The following AMY2B variants were observed in gnomAD, a reference collection of about 807,000 sequenced individuals.
The protein encoded by AMY2B is amylase alpha 2B.
A neutral mutation model predicts 59.3 loss-of-function variants in AMY2B; 63 were observed. That is an observed-to-expected ratio of 1.06 (90% CI 0.87 to 1.31). AMY2B has a LOEUF of 1.31. AMY2B is among the 50% of genes most tolerant of loss of function. The pLI, the probability that AMY2B is intolerant of heterozygous loss-of-function variation, is 0.00. For missense variants in AMY2B, 635 were observed against 626.7 expected (o/e 1.01, Z -0.14); for synonymous variants, 180 against 198.1 (o/e 0.91, Z 0.77).
At chr1:103,560,583 G>C (rs2101061433) in intron 1 of AMY2B, among the ~76,000 whole-genome samples, 1 of 152,114 alleles carries the variant, frequency 6.6e-6, no homozygotes, top group Non-Finnish European at 1.5e-5. Context: ...TTAATGATTA[G>C]CACTGATTAT....
intron 9 of AMY2B, 83 bp from the exon 10 acceptor site, chr1:103,579,228 A>C (rs1199935598): frequency 1.2e-6 from 2 of 1,609,198 alleles, no homozygotes; most frequent in Non-Finnish European, 1.7e-6. Context: ...GTTCTACAAC[A>C]TAAAGTTATG....
chr1:103,569,159 C>T, upstream of AMY2B: 1 of 152,032 alleles, frequency 6.6e-6, no homozygotes. Context: ...CCTACCAGGT[C>T]CCTCTCATAA....
At chr1:103,564,836 A>G (rs1194652116) in intron 1 of AMY2B, among the ~76,000 whole-genome samples, 1 of 152,118 alleles carries the variant, frequency 6.6e-6, no homozygotes, top group African/African-American at 2.4e-5. Context: ...TGTTTTAAAA[A>G]TGGTACCTCT....
intron 2 of AMY2B, chr1:103,565,703 T>TA (rs1651888054): frequency 1.3e-5 from 2 of 152,178 alleles, no homozygotes; most frequent in Admixed American, 1.3e-4. Flanking sequence ...TCCCATCGGA[T>TA]AAAACAAATA....
intron 7 of AMY2B, among the ~76,000 whole-genome samples, chr1:103,576,888 G>A (rs923632153): frequency 7.9e-5 from 12 of 152,252 alleles, no homozygotes; most frequent in East Asian, 5.8e-4. Context: ...TGGTGTTTCT[G>A]GTACTAATGC....
At chr1:103,570,316 G>C, upstream of AMY2B, 4 of 627,660 alleles carry the variant, frequency 6.4e-6, no homozygotes, top group Non-Finnish European at 1.2e-5. Context: ...TGAGGTTGCA[G>C]TGTCCCGAGA....
At chr1:103,565,075 T>C (rs1302078897) in intron 1 of AMY2B, 1 of 152,142 alleles carries the variant, frequency 6.6e-6, no homozygotes, top group Non-Finnish European at 1.5e-5. Context: ...CATAAACATT[T>C]CCCCTCTATT....
At chr1:103,579,259 G>T in intron 9 of AMY2B, 52 bp from the exon 10 acceptor site, 1 of 1,611,312 alleles carries the variant, frequency 6.2e-7, no homozygotes, top group East Asian at 2.2e-5. Context: ...GTGTTAGCCT[G>T]TATTCTTGAT....
intron 1 of AMY2B, chr1:103,565,397 A>C (rs1651875596): frequency 6.6e-6 from 1 of 152,228 alleles, no homozygotes; most frequent in South Asian, 2.1e-4. Context: ...TTCAGTACAG[A>C]TGCAACTATC....
At chr1:103,556,003 G>A (rs1393632226) in intron 1 of AMY2B, among the ~76,000 whole-genome samples, 1 of 152,126 alleles carries the variant, frequency 6.6e-6, no homozygotes, top group East Asian at 1.9e-4. Context: ...AGGATGAAGG[G>A]CAGATTATGG....
At position 103,577,814 on chromosome 1, in the gene AMY2B, A is replaced by G. The variant is rs774741377; in HGVS notation, c.1315A>G (p.Arg439Gly). 6.2e-7 allele frequency: 1 copy of G among 1,604,936 alleles called. No homozygotes were observed. Among genetic ancestry groups the G allele is most frequent in the Non-Finnish European group, 8.5e-7 (1 of 1,179,736 alleles). ...CCAAGTGGCTTTTGGGAGAGGAAAC[A>G]GAGGATTCATTGTTTTCAACAATGA... ...SNQVAFGRGN[R>G]GFIVFNNDDW... The change falls in exon 9 of 10, where the codon AGA becomes GGA. Residue 439 changes from arginine (R) to glycine (G), a missense_variant. Coordinates refer to ENST00000684275, the MANE Select transcript of AMY2B (RefSeq NM_001387437.1).
chr1:103,566,051 T>C (rs556183971), intron 2 of AMY2B, among the ~76,000 whole-genome samples: 2 of 152,312 alleles, frequency 1.3e-5, no homozygotes, highest in East Asian at 3.9e-4. Context: ...CCCTCACACT[T>C]GACTTGTTTC....
At chr1:103,564,033 T>C (rs1217370238) in intron 1 of AMY2B, among the ~76,000 whole-genome samples, 1 of 152,032 alleles carries the variant, frequency 6.6e-6, no homozygotes, top group East Asian at 1.9e-4. Flanking sequence ...ACAGTATGAG[T>C]TGATAGGATT....
intron 5 of AMY2B, 65 bp from the exon 6 acceptor site, chr1:103,575,158 A>T: frequency 6.2e-7 from 1 of 1,608,274 alleles, no homozygotes; most frequent in South Asian, 1.1e-5. Flanking sequence ...AGAGATGCAC[A>T]GTTAAGTTAC....
At chr1:103,571,852 G>T in intron 1 of AMY2B, 82 bp downstream of exon 1, 1 of 1,610,648 alleles carries the variant, frequency 6.2e-7, no homozygotes, top group African/African-American at 1.3e-5. Context: ...TGAAGCTTAG[G>T]CAACATTTTA....
intron 8 of AMY2B, 40 bp downstream of exon 8, chr1:103,577,648 T>A: frequency 1.9e-6 from 3 of 1,611,894 alleles, no homozygotes; most frequent in Non-Finnish European, 2.5e-6. Flanking sequence ...AATAGTAAAC[T>A]TTCCATTGCA....
intron 1 of AMY2B, 45 bp from the exon 2 acceptor site, chr1:103,572,065 T>C (rs772914179): frequency 3.7e-6 from 6 of 1,611,202 alleles, no homozygotes; most frequent in Non-Finnish European, 5.1e-6. Context: ...CATTCAATGA[T>C]ATAGAGTAAG....
upstream of AMY2B, chr1:103,571,542 A>G: frequency 2.5e-6 from 4 of 1,585,712 alleles, no homozygotes; most frequent in Middle Eastern, 2.3e-4. Flanking sequence ...ACTTTGTAAA[A>G]TGTGCTTCTT....
chr1:103,557,853 G>A (rs1461273282), intron 1 of AMY2B, among the ~76,000 whole-genome samples: 1 of 151,988 alleles, frequency 6.6e-6, no homozygotes, highest in Non-Finnish European at 1.5e-5. Context: ...GATGAAGTAA[G>A]TCATAAAAAC....
Sources: gnomAD v4.1 joint callset for allele counts (sites outside exome capture counted in the v4.1 genomes callset) on GRCh38, gnomAD v4.1.1 for gene constraint, MANE v1.5 for transcripts, NCBI Gene and HGNC (gene_info 2026-07-23, HGNC 2026-07-21) for gene names.